Variants in B3GALT1 observed in about 807,000 individuals in gnomAD.
The protein encoded by B3GALT1 is UDP-Gal:betaGlcNAc beta 1,3-galactosyltransferase, polypeptide 1.
A neutral mutation model predicts 23.2 loss-of-function variants in B3GALT1; 10 were observed. The ratio of observed to expected loss-of-function variants is 0.43; its 90% CI spans 0.27 to 0.73. The LOEUF (loss-of-function observed/expected upper bound fraction) is 0.73, where lower values mean the gene tolerates loss of function less well. Ranked by LOEUF, B3GALT1 falls within the 30% of genes least tolerant of loss-of-function variation. B3GALT1 has a pLI of 0.21. For missense variants in B3GALT1, 299 were observed against 405.4 expected, an observed-to-expected ratio of 0.74 and a Z score of 2.25; for synonymous variants, 156 against 141.5, an observed-to-expected ratio of 1.10 and a Z score of -0.73.
At chr2:167,681,969 C>G (rs996311493) in intron 3 of B3GALT1, among the ~76,000 whole-genome samples, 3 of 152,176 alleles carry the variant, frequency 2.0e-5, no homozygotes, top group Non-Finnish European at 4.4e-5. Flanking sequence ...TAAATCAGTT[C>G]CATATTCCAA....
chr2:167,329,807 GTTTTGT>G (rs1190313283), intron 1 of B3GALT1, among the ~76,000 whole-genome samples: 1 of 24,650 alleles, frequency 4.1e-5, no homozygotes, highest in Non-Finnish European at 1.1e-4. Context: ...GGCAGTTTTT[GTTTTGT>G]TTTTTTTTTT....
intron 1 of B3GALT1, among the ~76,000 whole-genome samples, chr2:167,345,978 A>G (rs913867718): frequency 8.6e-5 from 13 of 151,996 alleles, no homozygotes; most frequent in Admixed American, 7.9e-4. Flanking sequence ...AGCTTACTTT[A>G]GCACAGAGGT....
chr2:167,565,134 G>T (rs1181017416), intron 2 of B3GALT1, among the ~76,000 whole-genome samples: 2 of 152,156 alleles, frequency 1.3e-5, no homozygotes, highest in Non-Finnish European at 2.9e-5. Context: ...AACCAAAACA[G>T]CATGGTACTG....
chr2:167,302,160 A>G (rs1696458613), intron 1 of B3GALT1, among the ~76,000 whole-genome samples: 1 of 152,190 alleles, frequency 6.6e-6, no homozygotes, highest in Non-Finnish European at 1.5e-5. Flanking sequence ...AATAATAGTG[A>G]AAAAAGCAGA....
intron 1 of B3GALT1, among the ~76,000 whole-genome samples, chr2:167,323,979 T>C (rs1003761285): frequency 6.6e-6 from 1 of 152,064 alleles, no homozygotes; most frequent in Admixed American, 6.6e-5. Flanking sequence ...ATTTGATCAA[T>C]GTTGCCTTGC....
intron 3 of B3GALT1, among the ~76,000 whole-genome samples, chr2:167,658,749 TGCAAGGTAATTA>T (rs947752206): frequency 1.3e-5 from 2 of 152,096 alleles, no homozygotes; most frequent in African/African-American, 4.8e-5. Context: ...TGAAGTATAA[TGCAAGGTAATTA>T]GCAAAAGGAG....
At chr2:167,538,932 T>C (rs1283730197) in intron 2 of B3GALT1, among the ~76,000 whole-genome samples, 3 of 152,178 alleles carry the variant, frequency 2.0e-5, no homozygotes, top group Non-Finnish European at 4.4e-5. Context: ...AAGGCCTAAT[T>C]GTACCTCACA....
At chr2:167,593,427 G>C (rs932502711) in intron 2 of B3GALT1, among the ~76,000 whole-genome samples, 2 of 152,102 alleles carry the variant, frequency 1.3e-5, no homozygotes. Context: ...GTTTTGTTCA[G>C]TGCAAAGTTT....
chr2:167,553,408 C>G (rs184211545), intron 2 of B3GALT1, among the ~76,000 whole-genome samples: 1 of 152,076 alleles, frequency 6.6e-6, no homozygotes, highest in Non-Finnish European at 1.5e-5. Context: ...AAATTGAGAC[C>G]GAGAAAACCT....
intron 4 of B3GALT1, among the ~76,000 whole-genome samples, chr2:167,837,570 T>G (rs2105391062): frequency 6.6e-6 from 1 of 150,864 alleles, no homozygotes; most frequent in Middle Eastern, 3.4e-3. Context: ...TCCCACACAT[T>G]AATAATGGGA....
At chr2:167,766,460 G>A (rs903478593) in intron 3 of B3GALT1, among the ~76,000 whole-genome samples, 4 of 152,152 alleles carry the variant, frequency 2.6e-5, no homozygotes, top group African/African-American at 9.7e-5. Context: ...CATAAGCTCC[G>A]TGACGTTCAA....
chr2:167,599,997 C>T (rs541851557), intron 2 of B3GALT1, among the ~76,000 whole-genome samples: 9 of 152,248 alleles, frequency 5.9e-5, no homozygotes, highest in South Asian at 4.1e-4. Flanking sequence ...ATGTGTCTCC[C>T]GTATGCTAAA....
At chr2:167,602,130 T>G (rs1684888424) in intron 2 of B3GALT1, among the ~76,000 whole-genome samples, 1 of 152,178 alleles carries the variant, frequency 6.6e-6, no homozygotes, top group South Asian at 2.1e-4. Context: ...ACAGAATATT[T>G]TTTAAATTCC....
chr2:167,372,307 A>G lies in B3GALT1; in HGVS notation c.-511+78973A>G, dbSNP rs1697698449. On this transcript the variant is annotated intron_variant, in intron 1 of 4. Coordinates refer to ENST00000392690, the MANE Select transcript of B3GALT1 (RefSeq NM_020981.4). ...CCAACACACATTTATGAATTTTTTA[A>G]AAAATTTCATAAAACTGTCAGAAAA... is the stretch of plus-strand genomic sequence containing the variant. Among the ~76,000 whole-genome samples, 5 of 152,126 alleles carry G rather than the reference A, an allele frequency of 3.3e-5. 1 individual carries two copies. The South Asian group carries it at 1.0e-3, about 31-fold the overall frequency.
At chr2:167,312,123 T>C (rs529643350) in intron 1 of B3GALT1, among the ~76,000 whole-genome samples, 9 of 152,078 alleles carry the variant, frequency 5.9e-5, no homozygotes, top group African/African-American at 2.2e-4. Context: ...CAAACAAAAC[T>C]AAACAAGAAT....
chr2:167,501,862 A>C lies in B3GALT1; in HGVS notation c.-410+11585A>C, dbSNP rs1356339576. ...CCTTTAAAGTAGTGTTGAGTTTGAG[A>C]CAAGTACATGAATGAATTGCATATG... On this transcript the variant is annotated intron_variant, in intron 2 of 4. Transcript: ENST00000392690. Among the ~76,000 whole-genome samples, 4 of 152,256 alleles carry C rather than the reference A, an allele frequency of 2.6e-5. No homozygotes were observed. In the East Asian group the frequency reaches 7.7e-4, roughly 29 times the overall value.
chr2:167,531,813 TA>T (rs977380212), intron 2 of B3GALT1, among the ~76,000 whole-genome samples: 3 of 152,174 alleles, frequency 2.0e-5, no homozygotes, highest in African/African-American at 7.2e-5. Flanking sequence ...AATAATCAAA[TA>T]ATATTTCAAA....
chr2:167,617,250 G>A (rs1285679841), intron 2 of B3GALT1, among the ~76,000 whole-genome samples: 1 of 152,058 alleles, frequency 6.6e-6, no homozygotes, highest in Non-Finnish European at 1.5e-5. Context: ...AAGAGTTGAG[G>A]AGAAATGCTT....
At chr2:167,846,432 G>A (rs143719251) in intron 4 of B3GALT1, among the ~76,000 whole-genome samples, 2,016 of 152,294 alleles carry the variant, frequency 0.013, 20 homozygotes, top group South Asian at 0.026. Flanking sequence ...AGAAGGGATT[G>A]GGGCCCTATC....
Sources: allele counts gnomAD v4.1 joint callset (sites outside exome capture counted in the v4.1 genomes callset), GRCh38; gene constraint gnomAD v4.1.1; transcripts MANE v1.5; gene names NCBI Gene and HGNC (gene_info 2026-07-23, HGNC 2026-07-21).